PCDHGA2: variants seen among roughly 807,000 people sequenced by gnomAD.
PCDHGA2 encodes the protein protocadherin gamma subfamily A, 2, also known as protocadherin gamma-A2.
In PCDHGA2, 40 loss-of-function variants were observed where a neutral mutation model predicts 59.2. That is an observed-to-expected ratio of 0.68 (90% CI 0.52 to 0.88). The LOEUF (loss-of-function observed/expected upper bound fraction) is 0.88. Ranked by LOEUF, PCDHGA2 falls within the 40% of genes least tolerant of loss-of-function variation. PCDHGA2 has a pLI of 0.00. For synonymous variants in PCDHGA2, 560 were observed against 526.0 expected (o/e 1.06, Z -0.89); for missense variants, 1,226 against 1,204.0 (o/e 1.02, Z -0.27).
rs2099746956 is a variant in PCDHGA2 at position 141,493,207 on chromosome 5, A to C, written c.2425-1600A>C. Among the ~76,000 whole-genome samples, 1 of 152,152 alleles carries C rather than the reference A, an allele frequency of 6.6e-6. No individual in the cohort carries two copies. The highest frequency in any genetic ancestry group is 2.4e-5 in the African/African-American group (1 of 41,442). On this transcript the variant is annotated intron_variant, in intron 1 of 3. Coordinates refer to ENST00000394576, the MANE Select transcript of PCDHGA2 (RefSeq NM_018915.4). The surrounding 1 kb of genome is among the most constrained non-coding windows in gnomAD (Gnocchi z 4.3). ...ATAACTCCTTTGAGAACCTCATCTC[A>C]TTTGCTCTTCCCACCATTGCTGTTG...
chr5:141,487,135 A>G lies in PCDHGA2; in HGVS notation c.2425-7672A>G. 6.2e-7 allele frequency: 1 copy of G among 1,613,544 alleles called. No individual in the cohort carries two copies. The highest frequency in any genetic ancestry group is 8.5e-7 in the Non-Finnish European group (1 of 1,179,856). ...TGGTAAAGGATAGTGGTAGTCCACC[A>G]CTCTCTACCTCTGTTACTCTCTTAG... On this transcript the variant is annotated intron_variant, in intron 1 of 3. Transcript: ENST00000394576. The surrounding 1 kb of genome is among the most constrained non-coding windows in gnomAD (Gnocchi z 5.0).
intron 2 of PCDHGA2, among the ~76,000 whole-genome samples, chr5:141,498,352 CA>C: frequency 6.6e-6 from 1 of 151,890 alleles, no homozygotes; most frequent in African/African-American, 2.4e-5. Flanking sequence ...AAAGCCTATG[CA>C]AAAGCCTTGT....
chr5:141,344,870 T>C, intron 1 of PCDHGA2: 2 of 1,613,988 alleles, frequency 1.2e-6, no homozygotes, highest in Non-Finnish European at 1.7e-6. Context: ...AAGTGTCTTA[T>C]ATTCTAGATA....
rs187495695 is a variant in PCDHGA2, at chr5:141,486,508, T to G, written c.2425-8299T>G. The G allele has an allele frequency of 9.3e-6, 15 of 1,614,172 alleles. No homozygotes were observed. In the Admixed American group the frequency reaches 2.5e-4, roughly 27 times the overall value. The stretch of plus-strand genomic sequence containing the variant: ...CCCACAGAACTATTTTCCTCAATAT[T>G]TCAGATGTGAATGATAATCCACCCT... On this transcript the variant is annotated intron_variant, in intron 1 of 3. Coordinates refer to ENST00000394576, the MANE Select transcript of PCDHGA2 (RefSeq NM_018915.4). The surrounding 1 kb of genome is among the most constrained non-coding windows in gnomAD (Gnocchi z 5.0).
chr5:141,410,489 G>A, intron 1 of PCDHGA2: 3 of 1,613,972 alleles, frequency 1.9e-6, no homozygotes, highest in Non-Finnish European at 1.7e-6. Context: ...GGGTACAAAA[G>A]AGTTTAATTT....
rs532490777 is a variant in PCDHGA2, at chr5:141,487,782, T to C, written c.2425-7025T>C. 7.2e-6 allele frequency: 11 copies of C among 1,525,744 alleles called. No homozygotes were observed. The South Asian group carries it at 1.2e-4, about 17-fold the overall frequency. The allele number at this position is 1,525,744 out of a possible 1,614,324, so 94.5% of individuals were successfully genotyped here. ...GACGCTGTGCTTTGTAACTGTTTCGTGAATTAACCAGAGTTGTCACAGTTT... is the reference window on the plus strand; with the variant it reads ...GACGCTGTGCTTTGTAACTGTTTCGCGAATTAACCAGAGTTGTCACAGTTT... On this transcript the variant is annotated intron_variant, in intron 1 of 3. Coordinates refer to ENST00000394576, the MANE Select transcript of PCDHGA2 (RefSeq NM_018915.4). This position sits in a 1 kb window ranked among gnomAD's most constrained non-coding sequence, Gnocchi z 5.0.
intron 1 of PCDHGA2, among the ~76,000 whole-genome samples, chr5:141,466,449 T>C (rs2154569205): frequency 6.6e-6 from 1 of 152,358 alleles, no homozygotes; most frequent in Admixed American, 6.5e-5. Flanking sequence ...ATGTCTATGG[T>C]GTTGGCTATT....
chr5:141,465,627 A>C lies in PCDHGA2; in HGVS notation c.2425-29180A>C, dbSNP rs370355596. 1.1e-4 allele frequency among the ~76,000 whole-genome samples: 17 copies of C among 152,326 alleles called. 1 individual carries two copies. The South Asian group carries it at 3.3e-3, about 30-fold the overall frequency. On this transcript the variant is annotated intron_variant, in intron 1 of 3. Coordinates refer to ENST00000394576, the MANE Select transcript of PCDHGA2 (RefSeq NM_018915.4). ...TCTTTGGCCCTCCAGGAAGTCAACCAGCAAAATGCTTTGAACATCCCAAAA... is the reference window on the plus strand; with the variant it reads ...TCTTTGGCCCTCCAGGAAGTCAACCCGCAAAATGCTTTGAACATCCCAAAA...
chr5:141,484,653 C>G (rs2099598614), intron 1 of PCDHGA2, among the ~76,000 whole-genome samples: 1 of 152,036 alleles, frequency 6.6e-6, no homozygotes, highest in Non-Finnish European at 1.5e-5. Flanking sequence ...AATGGCTACT[C>G]TCCCTCTCAG....
chr5:141,477,301 C>T lies in PCDHGA2; in HGVS notation c.2425-17506C>T, dbSNP rs756549446. The T allele has an allele frequency of 6.2e-7, 1 of 1,614,160 alleles. No homozygotes were observed. Among genetic ancestry groups the T allele is most frequent in the East Asian group, 2.2e-5 (1 of 44,872 alleles). Reference sequence around the variant, plus strand: ...TGACCTGCGAAGTTCCACCGGGTCTCCCTTTCAGCCTTACTTCTTCCCTCA... The same window carrying T: ...TGACCTGCGAAGTTCCACCGGGTCTTCCTTTCAGCCTTACTTCTTCCCTCA... On this transcript the variant is annotated intron_variant, in intron 1 of 3. Coordinates refer to ENST00000394576, the MANE Select transcript of PCDHGA2 (RefSeq NM_018915.4). The surrounding 1 kb of genome is among the most constrained non-coding windows in gnomAD (Gnocchi z 4.9).
chr5:141,512,275 A>G lies in PCDHGA2; in HGVS notation c.*1102A>G, dbSNP rs368275103. 1 of 152,730 alleles carries G rather than the reference A, an allele frequency of 6.5e-6. No individual in the cohort carries two copies. The highest frequency in any genetic ancestry group is 2.1e-4 in the South Asian group (1 of 4,824). The allele number at this position is 152,730 out of a possible 1,614,324, so 9.5% of individuals were successfully genotyped here. ...GGGTGCTGGGTACTCCAGAGGTGCC[A>G]CTGGTGGAAGGGTCAGCGGAGCCCC... On this transcript the variant is annotated 3_prime_UTR_variant, in exon 4 of 4. Transcript: ENST00000394576.
At chr5:141,371,796 G>A in intron 1 of PCDHGA2, 2 of 1,613,914 alleles carry the variant, frequency 1.2e-6, no homozygotes, top group Non-Finnish European at 1.7e-6. Context: ...CAATCCGCCT[G>A]GAGCCTCCAT....
intron 1 of PCDHGA2, among the ~76,000 whole-genome samples, chr5:141,348,338 CA>C (rs1758100180): frequency 6.6e-6 from 1 of 152,092 alleles, no homozygotes; most frequent in Admixed American, 6.5e-5. Flanking sequence ...GGCCCATAGC[CA>C]GGGGAGGACT....
intron 1 of PCDHGA2, among the ~76,000 whole-genome samples, chr5:141,446,128 G>A (rs1242643475): frequency 3.3e-5 from 5 of 152,188 alleles, no homozygotes; most frequent in Non-Finnish European, 7.3e-5. Flanking sequence ...GGTTCAATAA[G>A]ACTTAATAAT....
At chr5:141,419,004 T>C in intron 1 of PCDHGA2, 1 of 1,613,886 alleles carries the variant, frequency 6.2e-7, no homozygotes, top group Non-Finnish European at 8.5e-7. Context: ...AATGGGGAAG[T>C]CAGGTGTAGC....
chr5:141,387,732 C>T (rs940812767), intron 1 of PCDHGA2: 5 of 1,279,332 alleles, frequency 3.9e-6, no homozygotes, highest in Non-Finnish European at 5.3e-6. Context: ...CAGCGCCAGC[C>T]TTTACACCGC....
At chr5:141,400,560 C>CGTAA in intron 1 of PCDHGA2, 5 of 1,613,248 alleles carry the variant, frequency 3.1e-6, no homozygotes, top group Non-Finnish European at 3.4e-6. Flanking sequence ...TTTCATTACC[C>CGTAA]ACCCAATTTT....
chr5:141,495,810 C>T (rs1003475681), intron 2 of PCDHGA2, among the ~76,000 whole-genome samples: 1 of 152,088 alleles, frequency 6.6e-6, no homozygotes, highest in Non-Finnish European at 1.5e-5. Context: ...CGTTTCCTAG[C>T]GCCTTGTGTT....
intron 1 of PCDHGA2, chr5:141,413,770 G>A: frequency 6.2e-7 from 1 of 1,612,708 alleles, no homozygotes; most frequent in Non-Finnish European, 8.5e-7. Context: ...CCCGGAGCTG[G>A]TACTGGAGCA....
Sources: gnomAD v4.1 joint callset for allele counts (sites outside exome capture counted in the v4.1 genomes callset) on GRCh38, gnomAD v4.1.1 for gene constraint, Gnocchi (gnomAD v3.1) non-coding constraint, MANE v1.5 for transcripts, NCBI Gene and HGNC (gene_info 2026-07-23, HGNC 2026-07-21) for gene names.